Variants in CBL observed in about 807,000 individuals in gnomAD.
CBL encodes Cbl proto-oncogene.
In CBL, 45 loss-of-function variants were observed where a neutral mutation model predicts 96.9. The observed-to-expected ratio is 0.46, with a 90% CI of 0.37 to 0.60. The LOEUF (loss-of-function observed/expected upper bound fraction) is 0.60, where lower values mean the gene tolerates loss of function less well. Among genes scored for constraint, CBL ranks in the 20% least tolerant of loss-of-function variants. The pLI is 0.00. For synonymous variants in CBL, 420 were observed against 426.8 expected (o/e 0.98, Z 0.20); for missense variants, 1,024 against 1,143.5 (o/e 0.90, Z 1.51).
Position 119,259,223 on chromosome 11 carries a change from T to C in CBL, c.444-12512T>C, listed in dbSNP as rs139813173. Among the ~76,000 whole-genome samples, 294 of 152,298 alleles carry C rather than the reference T, an allele frequency of 1.9e-3. 1 individual carries two copies. The highest frequency in any genetic ancestry group is 3.4e-3 in the Non-Finnish European group (232 of 68,016). On this transcript the variant is annotated intron_variant, in intron 2 of 15. Coordinates refer to ENST00000264033, the MANE Select transcript of CBL (RefSeq NM_005188.4). ...TTTTTTTAGGTATGTGATGATATTA[T>C]TGGCAAAACAGAGATAGCTTGACTT... is the stretch of plus-strand genomic sequence containing the variant.
chr11:119,295,815 T>C (rs1057212952), intron 12 of CBL, among the ~76,000 whole-genome samples: 1 of 152,226 alleles, frequency 6.6e-6, no homozygotes, highest in Non-Finnish European at 1.5e-5. Flanking sequence ...ACCCATATAC[T>C]GATCACCTGG....
rs182386944 is a variant in CBL at position 119,258,406 on chromosome 11, C to T, written c.444-13329C>T. ...TGAAGGCAGAGCAGGCACCATGGCC[C>T]GAGCAGGAGGAAGAATGAGGGAGGA... is the stretch of plus-strand genomic sequence containing the variant. On this transcript the variant is annotated intron_variant, in intron 2 of 15. Transcript: ENST00000264033. Among the ~76,000 whole-genome samples, 868 of 152,108 alleles carry T rather than the reference C, an allele frequency of 5.7e-3. 9 individuals carry two copies. Among genetic ancestry groups the T allele is most frequent in the African/African-American group, 0.016 (666 of 41,476 alleles).
At chr11:119,222,830 T>C (rs1223322684) in intron 1 of CBL, among the ~76,000 whole-genome samples, 2 of 152,140 alleles carry the variant, frequency 1.3e-5, no homozygotes, top group African/African-American at 2.4e-5. Flanking sequence ...AAAGAGGTTA[T>C]ACATAATAAG....
intron 1 of CBL, among the ~76,000 whole-genome samples, chr11:119,213,241 T>C (rs902838695): frequency 1.3e-5 from 2 of 152,236 alleles, no homozygotes; most frequent in Non-Finnish European, 2.9e-5. Context: ...GGAAGTGAGA[T>C]ACACTTAGAA....
intron 2 of CBL, among the ~76,000 whole-genome samples, chr11:119,253,082 A>T (rs555448967): frequency 6.6e-6 from 1 of 152,084 alleles, no homozygotes; most frequent in African/African-American, 2.4e-5. Flanking sequence ...ATAAGGTTAC[A>T]TGCACATATC....
At chr11:119,210,583 C>CA in intron 1 of CBL, among the ~76,000 whole-genome samples, 1 of 150,922 alleles carries the variant, frequency 6.6e-6, no homozygotes, top group African/African-American at 2.4e-5. Context: ...CATGCGCCAC[C>CA]ACACCTGGCT....
chr11:119,230,160 T>G (rs1454086706), intron 1 of CBL, among the ~76,000 whole-genome samples: 2 of 150,668 alleles, frequency 1.3e-5, no homozygotes, highest in East Asian at 1.9e-4. Flanking sequence ...TGTTTTTTGT[T>G]TTTTTTTTTG....
At chr11:119,297,267 A>G (rs1358130746) in intron 13 of CBL, 117 bp from the exon 14 acceptor site, 4 of 880,568 alleles carry the variant, frequency 4.5e-6, no homozygotes, top group Non-Finnish European at 1.9e-6. Flanking sequence ...ACTTGCCACA[A>G]GAGTCAACTT....
At chr11:119,266,941 A>G (rs1472925025) in intron 2 of CBL, among the ~76,000 whole-genome samples, 2 of 152,224 alleles carry the variant, frequency 1.3e-5, no homozygotes, top group South Asian at 2.1e-4. Flanking sequence ...GTTAGAACTC[A>G]CTGTGTGAGT....
chr11:119,223,184 CTTTTTTTTTTTTT>C lies in CBL; in HGVS notation c.196-9246_196-9234del, dbSNP rs1167302746. ...CAGAGCAAACCACCCCACACCCTTC[CTTTTTTTTTTTTT>C]TTTTTTTTTTTTTTTTTAAAGAGAC... On this transcript the variant is annotated intron_variant, in intron 1 of 15. Coordinates refer to ENST00000264033, the MANE Select transcript of CBL (RefSeq NM_005188.4). Among the ~76,000 whole-genome samples the C allele has an allele frequency of 6.3e-3, 426 of 67,202 alleles. 4 individuals are homozygous for C. The highest frequency in any genetic ancestry group is 0.014 in the South Asian group (14 of 976). 44.1% of individuals were successfully genotyped at this position (67,202 alleles called of 152,430 possible).
intron 2 of CBL, among the ~76,000 whole-genome samples, chr11:119,250,822 G>A (rs940149735): frequency 5.9e-5 from 9 of 151,978 alleles, no homozygotes; most frequent in Non-Finnish European, 1.5e-5. Context: ...GTGGAGGTGC[G>A]CGCCTGTAAT....
At position 119,288,476 on chromosome 11, in the gene CBL, CAGAGAGAGAG is replaced by C. The variant is rs61294763; in HGVS notation, c.2036+539_2036+548del. Among the ~76,000 whole-genome samples, 92 of 150,806 alleles carry C rather than the reference CAGAGAGAGAG, an allele frequency of 6.1e-4. No homozygotes were observed. The South Asian group carries it at 0.018, about 29-fold the overall frequency. On this transcript the variant is annotated intron_variant, in intron 12 of 15. Transcript: ENST00000264033. Reference sequence around the variant, plus strand: ...TGGCCATCCTCAGTGTTTGCACAGACAGAGAGAGAGAGAGAGAGCACGCACAAGCTCTCTG... The same window carrying C: ...TGGCCATCCTCAGTGTTTGCACAGACAGAGAGAGCACGCACAAGCTCTCTG...
At chr11:119,229,453 C>T (rs769348623) in intron 1 of CBL, among the ~76,000 whole-genome samples, 1 of 152,014 alleles carries the variant, frequency 6.6e-6, no homozygotes, top group Non-Finnish European at 1.5e-5. Flanking sequence ...GTTTGCTAGG[C>T]TTATATATGG....
At chr11:119,213,900 A>G (rs915546945) in intron 1 of CBL, among the ~76,000 whole-genome samples, 2 of 151,752 alleles carry the variant, frequency 1.3e-5, no homozygotes, top group African/African-American at 4.8e-5. Flanking sequence ...CCCCCAAGGA[A>G]TAACTGCATG....
chr11:119,252,138 GA>G (rs749779924), intron 2 of CBL, among the ~76,000 whole-genome samples: 328 of 134,864 alleles, frequency 2.4e-3, no homozygotes, highest in African/African-American at 4.1e-3. Flanking sequence ...TACAGAAATG[GA>G]AAAAAAAAAA....
intron 2 of CBL, among the ~76,000 whole-genome samples, chr11:119,244,062 G>A (rs2087014236): frequency 6.6e-6 from 1 of 152,118 alleles, no homozygotes; most frequent in African/African-American, 2.4e-5. Context: ...AAAAAATGTG[G>A]TAACTTCTTA....
chr11:119,218,274 A>G (rs1421622061), intron 1 of CBL, among the ~76,000 whole-genome samples: 4 of 152,116 alleles, frequency 2.6e-5, no homozygotes, highest in African/African-American at 9.7e-5. Flanking sequence ...TATGCTATAG[A>G]GTCACTGGGG....
At chr11:119,247,993 T>C (rs749179848) in intron 2 of CBL, among the ~76,000 whole-genome samples, 1 of 152,114 alleles carries the variant, frequency 6.6e-6, no homozygotes, top group Non-Finnish European at 1.5e-5. Context: ...CCTAAATAAA[T>C]GGAGAGACAT....
chr11:119,241,004 T>C (rs530102825), intron 2 of CBL, among the ~76,000 whole-genome samples: 1 of 151,732 alleles, frequency 6.6e-6, no homozygotes, highest in Non-Finnish European at 1.5e-5. Flanking sequence ...ACCTGGGAGG[T>C]GGAGGTTGCA....
Sources: allele counts gnomAD v4.1 joint callset (sites outside exome capture counted in the v4.1 genomes callset), GRCh38; gene constraint gnomAD v4.1.1; transcripts MANE v1.5; gene names NCBI Gene and HGNC (gene_info 2026-07-23, HGNC 2026-07-21).